Variants in C8A observed in about 807,000 individuals in gnomAD.
C8A encodes complement C8 alpha chain, also known as complement component C8 alpha chain.
In C8A, 67 loss-of-function variants were observed where a neutral mutation model predicts 65.3. The ratio of observed to expected loss-of-function variants is 1.03; its 90% CI spans 0.84 to 1.26. The LOEUF is 1.26. Ranked by LOEUF, C8A falls within the 50% of genes most tolerant of loss-of-function variation. The pLI, the probability that C8A is intolerant of heterozygous loss-of-function variation, is 0.00. For missense variants in C8A, 781 were observed against 723.9 expected, an observed-to-expected ratio of 1.08 and a Z score of -0.90; for synonymous variants, 290 against 259.4, an observed-to-expected ratio of 1.12 and a Z score of -1.13.
chr1:56,857,129 C>G (rs1184891921), intron 1 of C8A, among the ~76,000 whole-genome samples: 1 of 151,978 alleles, frequency 6.6e-6, no homozygotes, highest in East Asian at 1.9e-4. Context: ...TTCTGTTGTT[C>G]AGTGTAGTTC....
Position 56,908,047 on chromosome 1 carries a change from G to A in C8A, c.1314G>A (p.Arg438=). Residue 438 remains arginine (R), a synonymous_variant, in exon 9 of 11, where the codon AGG becomes AGA. Coordinates refer to ENST00000361249, the MANE Select transcript of C8A (RefSeq NM_000562.3). ...GGAGCGGTGGCTTGGCACAGAACAG[G>A]AGCACCATTACATACCGTTCCTGGG... is the stretch of plus-strand genomic sequence containing the variant. The part of the protein sequence containing the change: ...SGWSGGLAQN[R]STITYRSWGR... The A allele has an allele frequency of 6.2e-7, 1 of 1,614,134 alleles. No individual in the cohort carries two copies. The highest frequency in any genetic ancestry group is 8.5e-7 in the Non-Finnish European group (1 of 1,179,996).
chr1:56,903,385 C>T (rs992418833), intron 7 of C8A, among the ~76,000 whole-genome samples: 1 of 152,238 alleles, frequency 6.6e-6, no homozygotes, highest in Admixed American at 6.5e-5. Flanking sequence ...TTTGCTTCCC[C>T]TTCTTCCATG....
At chr1:56,911,409 A>C (rs74893427) in intron 9 of C8A, among the ~76,000 whole-genome samples, 1,830 of 152,320 alleles carry the variant, frequency 0.012, 31 homozygotes, top group African/African-American at 0.042. Flanking sequence ...GTCATGTGCC[A>C]AAGATCACAC....
intron 1 of C8A, among the ~76,000 whole-genome samples, chr1:56,857,303 T>TACAC (rs71048450): frequency 0.13 from 19,928 of 148,772 alleles, 1,665 homozygotes; most frequent in East Asian, 0.37. Flanking sequence ...TGTTATTAAA[T>TACAC]ACACACACAC....
intron 7 of C8A, among the ~76,000 whole-genome samples, chr1:56,901,463 G>A (rs756611317): frequency 1.6e-4 from 24 of 151,988 alleles, no homozygotes; most frequent in Admixed American, 1.4e-3. Context: ...TCCCACCTGC[G>A]CCACAACCAA....
At chr1:56,875,549 G>C (rs1644190364) in intron 3 of C8A, among the ~76,000 whole-genome samples, 2 of 152,120 alleles carry the variant, frequency 1.3e-5, no homozygotes, top group South Asian at 4.1e-4. Context: ...ATCTGCTTTG[G>C]GCAGTCTGGG....
At chr1:56,858,413 C>T (rs561844966) in intron 1 of C8A, among the ~76,000 whole-genome samples, 1 of 152,152 alleles carries the variant, frequency 6.6e-6, no homozygotes, top group Admixed American at 6.5e-5. Context: ...AATTTTCAAC[C>T]CAATATTTCC....
In C8A at chr1:56,894,297, C is replaced by A. The variant is rs911815077; in HGVS notation, c.1096+8130C>A. Reference sequence around the variant, plus strand: ...CTCAGCAATCATGCCTCCTCCTCCACCTGCCCATTTCTTTGATCAAGGTCA... The same window carrying A: ...CTCAGCAATCATGCCTCCTCCTCCAACTGCCCATTTCTTTGATCAAGGTCA... On this transcript the variant is annotated intron_variant, in intron 7 of 10. Coordinates refer to ENST00000361249, the MANE Select transcript of C8A (RefSeq NM_000562.3). Among the ~76,000 whole-genome samples the A allele has an allele frequency of 3.9e-5, 6 of 152,222 alleles. No individual in the cohort carries two copies. In the South Asian group the frequency reaches 1.2e-3, roughly 32 times the overall value.
At chr1:56,912,763 G>C (rs551036089) in intron 10 of C8A, 138 bp downstream of exon 10, 6 of 741,000 alleles carry the variant, frequency 8.1e-6, no homozygotes, top group Admixed American at 2.1e-5. Flanking sequence ...TGAGAGTTCT[G>C]TTACTCACCC....
chr1:56,895,779 A>G (rs139788529), intron 7 of C8A, among the ~76,000 whole-genome samples: 1 of 152,100 alleles, frequency 6.6e-6, no homozygotes, highest in African/African-American at 2.4e-5. Context: ...TCTCTATAAA[A>G]ATTAAACAAA....
intron 2 of C8A, among the ~76,000 whole-genome samples, chr1:56,871,383 T>C (rs1037689341): frequency 2.6e-5 from 4 of 152,336 alleles, no homozygotes; most frequent in African/African-American, 7.2e-5. Flanking sequence ...GTGACATAAG[T>C]GGTCACTTCA....
intron 1 of C8A, among the ~76,000 whole-genome samples, chr1:56,858,465 T>C (rs1381746437): frequency 2.6e-5 from 4 of 152,218 alleles, no homozygotes; most frequent in Non-Finnish European, 5.9e-5. Context: ...TTAAAAAATG[T>C]GAATGAAGAC....
At position 56,912,631 on chromosome 1, in the gene C8A, G is replaced by A; in HGVS notation, c.1603+6G>A. The A allele has an allele frequency of 1.2e-6, 2 of 1,613,276 alleles. No individual in the cohort carries two copies. The highest frequency in any genetic ancestry group is 1.7e-5 in the Admixed American group (1 of 60,022). On this transcript the variant is annotated splice_donor_region_variant and intron_variant, in intron 10 of 10. Coordinates refer to ENST00000361249, the MANE Select transcript of C8A (RefSeq NM_000562.3). ...TGAGCAAACACAGACAGAAGGTAAG[G>A]TCCGTGCATCCCCACCCAGTTCCAG... is the stretch of plus-strand genomic sequence containing the variant.
At chr1:56,876,319 C>T in intron 4 of C8A, 110 bp downstream of exon 4, 2 of 1,306,618 alleles carry the variant, frequency 1.5e-6, no homozygotes, top group Non-Finnish European at 2.2e-6. Context: ...CTCTGGAGTG[C>T]ATGCTGTGAG....
chr1:56,884,195 T>C (rs941487070), intron 6 of C8A, among the ~76,000 whole-genome samples: 1 of 151,962 alleles, frequency 6.6e-6, no homozygotes, highest in African/African-American at 2.4e-5. Flanking sequence ...TAAAGATTAG[T>C]GCAAATTGTC....
chr1:56,856,017 T>C (rs1342434), intron 1 of C8A, among the ~76,000 whole-genome samples: 14,184 of 152,210 alleles, frequency 0.093, 2,178 homozygotes, highest in African/African-American at 0.32. Context: ...AAGCTTATCA[T>C]TGTAATCCTT....
chr1:56,860,498 T>G (rs1290602727), intron 1 of C8A, among the ~76,000 whole-genome samples: 2 of 152,194 alleles, frequency 1.3e-5, no homozygotes, highest in Non-Finnish European at 2.9e-5. Flanking sequence ...TTATCTGATT[T>G]CTCATTTGAA....
chr1:56,901,310 C>T (rs1328479398), intron 7 of C8A, among the ~76,000 whole-genome samples: 1 of 152,132 alleles, frequency 6.6e-6, no homozygotes, highest in African/African-American at 2.4e-5. Flanking sequence ...AGATAATGAA[C>T]TACACCTGCT....
chr1:56,864,431 T>C (rs1000093283), intron 1 of C8A, among the ~76,000 whole-genome samples: 4 of 152,066 alleles, frequency 2.6e-5, no homozygotes, highest in Non-Finnish European at 5.9e-5. Flanking sequence ...GTTGAGATAA[T>C]GGAGATCCCA....
Sources: allele counts gnomAD v4.1 joint callset (sites outside exome capture counted in the v4.1 genomes callset), GRCh38; gene constraint gnomAD v4.1.1; transcripts MANE v1.5; gene names NCBI Gene and HGNC (gene_info 2026-07-23, HGNC 2026-07-21).